The following CTNND2 variants were observed in gnomAD, a reference collection of about 807,000 sequenced individuals.
CTNND2 encodes the protein catenin delta 2, also known as catenin delta-2.
Under a neutral mutation model 144.4 loss-of-function variants are expected in CTNND2, and 22 were observed. The ratio of observed to expected loss-of-function variants is 0.15; its 90% CI spans 0.11 to 0.22. The LOEUF is 0.22. Ranked by LOEUF, CTNND2 falls within the 10% of genes least tolerant of loss-of-function variation. The pLI is 1.00. For missense variants in CTNND2, 1,353 were observed against 1,618.8 expected, an observed-to-expected ratio of 0.84 and a Z score of 2.82; for synonymous variants, 751 against 695.6, an observed-to-expected ratio of 1.08 and a Z score of -1.25.
At position 11,662,150 on chromosome 5, in the gene CTNND2, T is replaced by TATATGTGTATATATGTGTATATATAC. The variant is rs1561668768; in HGVS notation, c.174+69985_174+69986insGTATATATACACATATATACACATAT. On this transcript the variant is annotated intron_variant, in intron 2 of 21. Transcript: ENST00000304623. ...ATATACATATATGTATATATACACA[T>TATATGTGTATATATGTGTATATATAC]ATATATGTGTATATATGTGTATATA... Among the ~76,000 whole-genome samples the TATATGTGTATATATGTGTATATATAC allele has an allele frequency of 1.2e-3, 136 of 113,122 alleles. 2 individuals carry two copies. Among genetic ancestry groups the TATATGTGTATATATGTGTATATATAC allele is most frequent in the African/African-American group, 5.9e-3 (127 of 21,518 alleles). The allele number at this position is 113,122 out of a possible 152,430, so 74.2% of individuals were successfully genotyped here.
Position 11,903,184 on chromosome 5 carries a change from C to T in CTNND2, c.37+633G>A. ...CAGCCTTCCAAACCTGGCTTTCAGGCGGCGCTTTCTGGAGCCTGGCTGTCT... is the reference window on the plus strand; with the variant it reads ...CAGCCTTCCAAACCTGGCTTTCAGGTGGCGCTTTCTGGAGCCTGGCTGTCT... On this transcript the variant is annotated intron_variant, in intron 1 of 21. Coordinates refer to ENST00000304623, the MANE Select transcript of CTNND2 (RefSeq NM_001332.4). The surrounding 1 kb of genome is among the most constrained non-coding windows in gnomAD (Gnocchi z 5.4). The T allele has an allele frequency of 1.0e-6, 1 of 985,402 alleles. No homozygotes were observed. The highest frequency in any genetic ancestry group is 1.2e-6 in the Non-Finnish European group (1 of 829,916). 61.0% of individuals were successfully genotyped at this position (985,402 alleles called of 1,614,324 possible). A position where few individuals can be genotyped will look rare whatever the true frequency, so the allele number is the denominator to read the frequency against.
intron 21 of CTNND2, among the ~76,000 whole-genome samples, chr5:10,975,388 TTA>T (rs1156825766): frequency 1.3e-5 from 2 of 152,172 alleles, no homozygotes; most frequent in Non-Finnish European, 2.9e-5. Context: ...TCATAAATAT[TTA>T]TGTGTGTTTG....
chr5:11,138,974 AAGG>A (rs1350163408), intron 12 of CTNND2, among the ~76,000 whole-genome samples: 4 of 131,560 alleles, frequency 3.0e-5, no homozygotes, highest in Admixed American at 2.6e-4. Context: ...CACAGAGTAA[AAGG>A]AAACTTTTTT....
intron 18 of CTNND2, among the ~76,000 whole-genome samples, chr5:11,011,152 G>A (rs1741036297): frequency 6.6e-6 from 1 of 152,204 alleles, no homozygotes; most frequent in Non-Finnish European, 1.5e-5. Context: ...AAGAGGTTGG[G>A]TCTGACGTCT....
chr5:11,396,043 G>A (rs780571667), intron 6 of CTNND2, among the ~76,000 whole-genome samples: 7 of 151,876 alleles, frequency 4.6e-5, no homozygotes, highest in African/African-American at 1.5e-4. Context: ...AGATGGGCTC[G>A]GGGGTTACAG....
At chr5:11,330,273 C>T (rs1349847648) in intron 9 of CTNND2, among the ~76,000 whole-genome samples, 1 of 146,922 alleles carries the variant, frequency 6.8e-6, no homozygotes. Context: ...AGATCGAGAC[C>T]TTCCTGGCTA....
chr5:11,491,066 T>C (rs1007733396), intron 3 of CTNND2, among the ~76,000 whole-genome samples: 3 of 152,042 alleles, frequency 2.0e-5, no homozygotes, highest in Non-Finnish European at 2.9e-5. Flanking sequence ...AATGAAGAAA[T>C]CAAAAAGCAA....
chr5:11,166,249 C>CCT (rs1553988938), intron 11 of CTNND2, among the ~76,000 whole-genome samples: 2 of 125,882 alleles, frequency 1.6e-5, no homozygotes, highest in African/African-American at 6.1e-5. Context: ...CAAAAAAGTT[C>CCT]TTTTTTTTTT....
At chr5:11,718,721 C>T (rs73743032) in intron 2 of CTNND2, among the ~76,000 whole-genome samples, 1 of 152,254 alleles carries the variant, frequency 6.6e-6, no homozygotes, top group African/African-American at 2.4e-5. Flanking sequence ...CTTTGAAACG[C>T]CTCCTGCACT....
chr5:10,980,561 G>T lies in CTNND2; in HGVS notation c.3417+1212C>A, dbSNP rs191766178. 6.6e-5 allele frequency among the ~76,000 whole-genome samples: 10 copies of T among 152,142 alleles called. 1 individual carries two copies. Among genetic ancestry groups the T allele is most frequent in the East Asian group, 5.8e-4 (3 of 5,180 alleles). ...CCATTACTGGGTATATACCCAAAGGGTTATAAATCATTCTACTATAAAGAC... is the reference window on the plus strand; with the variant it reads ...CCATTACTGGGTATATACCCAAAGGTTTATAAATCATTCTACTATAAAGAC... On this transcript the variant is annotated intron_variant, in intron 21 of 21. Coordinates refer to ENST00000304623, the MANE Select transcript of CTNND2 (RefSeq NM_001332.4).
intron 3 of CTNND2, among the ~76,000 whole-genome samples, chr5:11,553,351 C>G (rs568293749): frequency 6.6e-6 from 1 of 152,146 alleles, no homozygotes; most frequent in Non-Finnish European, 1.5e-5. Flanking sequence ...TCTGATACAT[C>G]TTTTTAGCCC....
At chr5:11,767,124 T>C (rs1269828038) in intron 1 of CTNND2, among the ~76,000 whole-genome samples, 2 of 152,210 alleles carry the variant, frequency 1.3e-5, no homozygotes, top group Non-Finnish European at 2.9e-5. Flanking sequence ...AAATCTCACC[T>C]TTCCCTGGAC....
At chr5:11,708,379 A>G (rs564251627) in intron 2 of CTNND2, among the ~76,000 whole-genome samples, 2 of 152,308 alleles carry the variant, frequency 1.3e-5, no homozygotes, top group South Asian at 4.2e-4. Flanking sequence ...GAAATCTCCT[A>G]AAGTGAAAAG....
chr5:11,461,853 T>A (rs549129497), intron 3 of CTNND2, among the ~76,000 whole-genome samples: 1 of 152,322 alleles, frequency 6.6e-6, no homozygotes, highest in South Asian at 2.1e-4. Flanking sequence ...CTGTGCAGCA[T>A]CTAGGTAAAT....
intron 1 of CTNND2, among the ~76,000 whole-genome samples, chr5:11,852,208 A>C (rs958539047): frequency 6.6e-6 from 1 of 152,160 alleles, no homozygotes; most frequent in Non-Finnish European, 1.5e-5. Context: ...TGTCACCCAG[A>C]GACTGACCTC....
intron 20 of CTNND2, among the ~76,000 whole-genome samples, chr5:10,983,981 G>T (rs1463865454): frequency 6.6e-6 from 1 of 152,072 alleles, no homozygotes; most frequent in African/African-American, 2.4e-5. Context: ...GGTTGTCTTT[G>T]CTGATCTTTC....
intron 2 of CTNND2, among the ~76,000 whole-genome samples, chr5:11,630,538 T>G (rs1007296307): frequency 6.6e-6 from 1 of 152,208 alleles, no homozygotes; most frequent in African/African-American, 2.4e-5. Flanking sequence ...TAAGAAGAAT[T>G]CTACTTTGGT....
At chr5:11,375,360 T>C (rs781682279) in intron 7 of CTNND2, among the ~76,000 whole-genome samples, 1 of 152,228 alleles carries the variant, frequency 6.6e-6, no homozygotes, top group Non-Finnish European at 1.5e-5. Flanking sequence ...TCTGTACTTA[T>C]ATTTTACAAC....
At chr5:11,246,367 C>T (rs1742997888) in intron 9 of CTNND2, among the ~76,000 whole-genome samples, 1 of 151,970 alleles carries the variant, frequency 6.6e-6, no homozygotes, top group Admixed American at 6.5e-5. Context: ...ATTGGGGTGG[C>T]CCCTGAGTCA....
Sources: gnomAD v4.1 joint callset for allele counts (sites outside exome capture counted in the v4.1 genomes callset) on GRCh38, gnomAD v4.1.1 for gene constraint, Gnocchi (gnomAD v3.1) non-coding constraint, MANE v1.5 for transcripts, NCBI Gene and HGNC (gene_info 2026-07-23, HGNC 2026-07-21) for gene names.